The following MERTK variants were observed in gnomAD, a reference collection of about 807,000 sequenced individuals.
MERTK encodes the protein MER proto-oncogene, tyrosine kinase, also known as tyrosine-protein kinase Mer.
MERTK carries 69 observed loss-of-function variants against 99.3 expected under a neutral mutation model. The observed-to-expected ratio is 0.70, with a 90% CI of 0.57 to 0.85. MERTK has a LOEUF of 0.85. Among genes scored for constraint, MERTK ranks in the 40% least tolerant of loss-of-function variants. The probability of loss-of-function intolerance (pLI) is 0.00; values close to 1 mark genes in which losing one functional copy is unlikely to be tolerated. For synonymous variants in MERTK, 426 were observed against 467.6 expected, an observed-to-expected ratio of 0.91 and a Z score of 1.15; for missense variants, 1,125 against 1,249.4, an observed-to-expected ratio of 0.90 and a Z score of 1.50.
intron 1 of MERTK, among the ~76,000 whole-genome samples, chr2:111,911,941 G>A (rs1684257545): frequency 1.3e-5 from 2 of 151,608 alleles, no homozygotes; most frequent in Admixed American, 6.6e-5. Context: ...CTCCTGCCTC[G>A]GCCTGCCAAA....
chr2:112,003,256 CAT>C (rs1459848815), intron 12 of MERTK, 69 bp downstream of exon 12: 5 of 761,620 alleles, frequency 6.6e-6, no homozygotes, highest in East Asian at 2.6e-5. Flanking sequence ...AATTCTTTAA[CAT>C]ATATTTATTA....
chr2:111,980,810 T>C (rs1436592429), intron 7 of MERTK, among the ~76,000 whole-genome samples: 2 of 152,224 alleles, frequency 1.3e-5, no homozygotes, highest in Non-Finnish European at 1.5e-5. Context: ...TGAGCTGCTC[T>C]GTGATTCTTT....
At chr2:111,922,505 A>C (rs1416275324) in intron 1 of MERTK, among the ~76,000 whole-genome samples, 1 of 152,240 alleles carries the variant, frequency 6.6e-6, no homozygotes, top group African/African-American at 2.4e-5. Context: ...TGTCCAAGGC[A>C]GACATCACTA....
Position 112,028,418 on chromosome 2 carries a change from C to CGCA in MERTK, c.2554_2555insGCA (p.Leu852delinsArgMet). 6.2e-7 allele frequency: 1 copy of CGCA among 1,614,168 alleles called. No homozygotes were observed. The highest frequency in any genetic ancestry group is 8.5e-7 in the Non-Finnish European group (1 of 1,180,040). On this transcript the variant is annotated protein_altering_variant, in exon 19 of 19. Coordinates refer to ENST00000295408, the MANE Select transcript of MERTK (RefSeq NM_006343.3). ...CCGCCCCACCTTTTCAGTATTGAGG[C>CGCA]TGCAGCTAGAAAAACTCTTAGAAAG...
At chr2:112,028,083 G>T (rs1340895113) in intron 18 of MERTK, 2 of 501,016 alleles carry the variant, frequency 4.0e-6, no homozygotes, top group East Asian at 3.7e-5. Flanking sequence ...TAAAGAAAGA[G>T]ACCTAAATAC....
chr2:111,969,513 C>T (rs1013426802), intron 6 of MERTK, among the ~76,000 whole-genome samples: 6 of 152,126 alleles, frequency 3.9e-5, no homozygotes, highest in Non-Finnish European at 5.9e-5. Flanking sequence ...CCAGTCATGC[C>T]AACACAGCTC....
intron 11 of MERTK, among the ~76,000 whole-genome samples, chr2:112,001,560 A>G (rs777262944): frequency 2.6e-5 from 4 of 152,202 alleles, no homozygotes; most frequent in Non-Finnish European, 5.9e-5. Flanking sequence ...CTAGGGTGAC[A>G]GAAGATGGGT....
At position 111,968,277 on chromosome 2, in the gene MERTK, A is replaced by G. The variant is rs376656831; in HGVS notation, c.960+25A>G. The G allele has an allele frequency of 1.9e-4, 301 of 1,572,900 alleles. 1 individual carries two copies. The African/African-American group carries it at 3.8e-3, about 20-fold the overall frequency. ...GGTAAAGTTCCAGGGTGAAGAGGGAAGTAGCTGTTTGGTGCTCTCTGTGGG... is the reference window on the plus strand; with the variant it reads ...GGTAAAGTTCCAGGGTGAAGAGGGAGGTAGCTGTTTGGTGCTCTCTGTGGG... On this transcript the variant is annotated intron_variant, in intron 6 of 18. Transcript: ENST00000295408.
At chr2:111,988,328 T>C (rs763407476) in intron 8 of MERTK, among the ~76,000 whole-genome samples, 6 of 152,146 alleles carry the variant, frequency 3.9e-5, no homozygotes, top group Non-Finnish European at 8.8e-5. Flanking sequence ...GATCTGAACC[T>C]CTTCTGAAAC....
At position 111,940,943 on chromosome 2, in the gene MERTK, G is replaced by A. The variant is rs1338394668; in HGVS notation, c.483-4017G>A. On this transcript the variant is annotated intron_variant, in intron 2 of 18. Transcript: ENST00000295408. ...TAGTATCTGATTTTCTGGTCTTCAA[G>A]CCAAACAGTGAAGTTTCTAAATTCT... 8 of 660,136 alleles carry A rather than the reference G, an allele frequency of 1.2e-5. No individual in the cohort carries two copies. The Middle Eastern group carries it at 1.0e-3, about 85-fold the overall frequency. The allele number at this position is 660,136 out of a possible 1,614,324, so 40.9% of individuals were successfully genotyped here.
At chr2:111,982,104 G>C (rs1231693605) in intron 7 of MERTK, among the ~76,000 whole-genome samples, 1 of 151,370 alleles carries the variant, frequency 6.6e-6, no homozygotes, top group Non-Finnish European at 1.5e-5. Flanking sequence ...CTGTCACCCA[G>C]GCTAGAGTGC....
intron 6 of MERTK, among the ~76,000 whole-genome samples, chr2:111,972,716 C>T (rs1372532239): frequency 6.6e-6 from 1 of 152,186 alleles, no homozygotes; most frequent in African/African-American, 2.4e-5. Flanking sequence ...AATAAGAATA[C>T]AGGACACCCA....
Position 111,935,852 on chromosome 2 carries a change from TTATA to T in MERTK, c.482+6316_482+6319del, listed in dbSNP as rs1180345365. 2.6e-5 allele frequency among the ~76,000 whole-genome samples: 4 copies of T among 152,196 alleles called. No homozygotes were observed. In the East Asian group the frequency reaches 7.7e-4, roughly 29 times the overall value. On this transcript the variant is annotated intron_variant, in intron 2 of 18. Transcript: ENST00000295408. Reference sequence around the variant, plus strand: ...AATTAATCTTTTATTGCATAGATGATTATATATCCTGTTTCATTCAGTTTATATT... The same window carrying T: ...AATTAATCTTTTATTGCATAGATGATTATCCTGTTTCATTCAGTTTATATT...
chr2:111,911,997 C>CTTTATTTATTTATTTA (rs70962964), intron 1 of MERTK, among the ~76,000 whole-genome samples: 4 of 148,256 alleles, frequency 2.7e-5, no homozygotes, highest in Non-Finnish European at 5.9e-5. Context: ...CTTCCAATCG[C>CTTTATTTATTTATTTA]TTTATTTATT....
intron 2 of MERTK, among the ~76,000 whole-genome samples, chr2:111,938,966 G>A (rs892276591): frequency 6.6e-6 from 1 of 152,042 alleles, no homozygotes; most frequent in African/African-American, 2.4e-5. Context: ...AATACCCAGG[G>A]TATTTTTTTG....
chr2:112,025,752 A>G (rs979505030), intron 18 of MERTK, among the ~76,000 whole-genome samples: 1 of 152,240 alleles, frequency 6.6e-6, no homozygotes, highest in African/African-American at 2.4e-5. Flanking sequence ...GAGTAAAGTC[A>G]TACATTTACA....
At chr2:111,981,297 T>A (rs973223141) in intron 7 of MERTK, among the ~76,000 whole-genome samples, 2 of 152,238 alleles carry the variant, frequency 1.3e-5, no homozygotes, top group African/African-American at 2.4e-5. Flanking sequence ...AAAATGGATC[T>A]ATATACTTTT....
At chr2:111,969,709 T>G (rs1385183622) in intron 6 of MERTK, among the ~76,000 whole-genome samples, 4 of 121,924 alleles carry the variant, frequency 3.3e-5, no homozygotes, top group Non-Finnish European at 7.0e-5. Context: ...TTTTTTTTTT[T>G]GAGACAGAGT....
Position 111,997,381 on chromosome 2 carries a change from C to T in MERTK, c.1509C>T (p.Leu503=), listed in dbSNP as rs755672432. The T allele has an allele frequency of 6.2e-7, 1 of 1,614,168 alleles. No individual in the cohort carries two copies. Among genetic ancestry groups the T allele is most frequent in the Non-Finnish European group, 8.5e-7 (1 of 1,179,996 alleles). ...TPAPGNADPV[L]IIFGCFCGFI... ...CGCCTGGCAACGCAGATCCTGTGCTCATCATCTTTGGCTGCTTTTGTGGAT... is the reference window on the plus strand; with the variant it reads ...CGCCTGGCAACGCAGATCCTGTGCTTATCATCTTTGGCTGCTTTTGTGGAT... Residue 503 remains leucine, a synonymous_variant, in exon 10 of 19, where the codon CTC becomes CTT. Transcript: ENST00000295408.
Sources: gnomAD v4.1 joint callset for allele counts (sites outside exome capture counted in the v4.1 genomes callset) on GRCh38, gnomAD v4.1.1 for gene constraint, MANE v1.5 for transcripts, NCBI Gene and HGNC (gene_info 2026-07-23, HGNC 2026-07-21) for gene names.